KCNC2: variants seen among roughly 807,000 people sequenced by gnomAD.
The protein encoded by KCNC2 is potassium voltage-gated channel subfamily C member 2, also known as voltage-gated potassium channel KCNC2.
Under a neutral mutation model 44.5 loss-of-function variants are expected in KCNC2, and 21 were observed. The ratio of observed to expected loss-of-function variants is 0.47; its 90% CI spans 0.33 to 0.68. The LOEUF (loss-of-function observed/expected upper bound fraction) is 0.68, where lower values mean the gene tolerates loss of function less well. Ranked by LOEUF, KCNC2 falls within the 30% of genes least tolerant of loss-of-function variation. The pLI, the probability that KCNC2 is intolerant of heterozygous loss-of-function variation, is 0.01. For missense variants in KCNC2, 589 were observed against 826.2 expected, an observed-to-expected ratio of 0.71 and a Z score of 3.52; for synonymous variants, 391 against 339.1, an observed-to-expected ratio of 1.15 and a Z score of -1.68.
At chr12:75,176,923 T>C (rs1484367782) in intron 2 of KCNC2, among the ~76,000 whole-genome samples, 3 of 151,572 alleles carry the variant, frequency 2.0e-5, no homozygotes. Flanking sequence ...ATTTAATTTA[T>C]AGTAGTAAAA....
chr12:75,097,277 G>C (rs995075861), intron 2 of KCNC2, among the ~76,000 whole-genome samples: 1 of 152,062 alleles, frequency 6.6e-6, no homozygotes, highest in Non-Finnish European at 1.5e-5. Flanking sequence ...GTGGAGCACA[G>C]GGGATTTTTA....
chr12:75,203,391 A>G (rs565916800), intron 2 of KCNC2, among the ~76,000 whole-genome samples: 151 of 151,974 alleles, frequency 9.9e-4, no homozygotes, highest in African/African-American at 3.6e-3. Context: ...GAAGTAATCT[A>G]TAATGCTAAT....
intron 2 of KCNC2, among the ~76,000 whole-genome samples, chr12:75,068,355 A>C (rs780226171): frequency 1.3e-5 from 2 of 152,212 alleles, no homozygotes; most frequent in African/African-American, 2.4e-5. Flanking sequence ...ACTAAATAGA[A>C]TATCTCAATC....
chr12:75,113,907 A>G (rs1246703851), intron 2 of KCNC2, among the ~76,000 whole-genome samples: 1 of 151,994 alleles, frequency 6.6e-6, no homozygotes, highest in Non-Finnish European at 1.5e-5. Context: ...GAAAAAAAAG[A>G]GTTTTGTCTT....
intron 2 of KCNC2, among the ~76,000 whole-genome samples, chr12:75,143,383 C>T (rs1889793422): frequency 6.6e-6 from 1 of 152,190 alleles, no homozygotes; most frequent in African/African-American, 2.4e-5. Context: ...TTAGTAGGCA[C>T]CTGCTGCTAC....
At chr12:75,103,099 C>T (rs573787295) in intron 2 of KCNC2, among the ~76,000 whole-genome samples, 13 of 152,036 alleles carry the variant, frequency 8.6e-5, no homozygotes, top group Non-Finnish European at 1.5e-4. Context: ...TAAGAAGGTG[C>T]CGAATTGCTT....
intron 2 of KCNC2, among the ~76,000 whole-genome samples, chr12:75,184,698 T>A (rs543811712): frequency 2.6e-5 from 4 of 152,150 alleles, no homozygotes; most frequent in Non-Finnish European, 5.9e-5. Flanking sequence ...AAAGGTAGGG[T>A]TCACCAAGCA....
intron 2 of KCNC2, among the ~76,000 whole-genome samples, chr12:75,152,848 T>G (rs762026335): frequency 6.6e-6 from 1 of 151,966 alleles, no homozygotes; most frequent in African/African-American, 2.4e-5. Flanking sequence ...AAGTAAGGTA[T>G]GCATATGATG....
chr12:75,148,338 G>A (rs923971358), intron 2 of KCNC2, among the ~76,000 whole-genome samples: 1 of 152,000 alleles, frequency 6.6e-6, no homozygotes, highest in African/African-American at 2.4e-5. Context: ...GCTGACATGG[G>A]AGCTGTGACA....
At chr12:75,100,985 C>T (rs1886327141) in intron 2 of KCNC2, among the ~76,000 whole-genome samples, 1 of 152,022 alleles carries the variant, frequency 6.6e-6, no homozygotes, top group South Asian at 2.1e-4. Context: ...AAAGGTGAGA[C>T]ATGTCCTCAT....
At chr12:75,156,768 C>A (rs762778665) in intron 2 of KCNC2, among the ~76,000 whole-genome samples, 1 of 151,748 alleles carries the variant, frequency 6.6e-6, no homozygotes, top group Non-Finnish European at 1.5e-5. Flanking sequence ...AAGTTTGCAG[C>A]CTACCATTTC....
chr12:75,061,276 A>G (rs1013753369), intron 2 of KCNC2, among the ~76,000 whole-genome samples: 2 of 152,086 alleles, frequency 1.3e-5, no homozygotes, highest in African/African-American at 4.8e-5. Flanking sequence ...TCATGAAAAC[A>G]ACAAACAGAA....
chr12:75,055,570 G>T (rs2136963950), intron 2 of KCNC2, among the ~76,000 whole-genome samples: 1 of 152,108 alleles, frequency 6.6e-6, no homozygotes, highest in South Asian at 2.1e-4. Context: ...CTCCAGACAA[G>T]GTATGTCATG....
chr12:75,060,466 A>C (rs975938958), intron 2 of KCNC2, among the ~76,000 whole-genome samples: 4 of 151,690 alleles, frequency 2.6e-5, no homozygotes, highest in African/African-American at 9.7e-5. Context: ...TCTTTTAAAA[A>C]CCTTATTTTT....
rs1879979994 is a variant in KCNC2, at chr12:75,042,165, A to G, written c.*940T>C. Reference sequence around the variant, plus strand: ...AAAAGACACAAGAGCTTTGGGTGATATTTGGCACTCTGCCTCTGAAAATGA... The same window carrying G: ...AAAAGACACAAGAGCTTTGGGTGATGTTTGGCACTCTGCCTCTGAAAATGA... On this transcript the variant is annotated 3_prime_UTR_variant, in exon 5 of 5. Coordinates refer to ENST00000549446, the MANE Select transcript of KCNC2 (RefSeq NM_139137.4). The G allele has an allele frequency of 1.5e-6, 2 of 1,294,680 alleles. No homozygotes were observed. Among genetic ancestry groups the G allele is most frequent in the South Asian group, 2.7e-5 (1 of 36,880 alleles). The allele number at this position is 1,294,680 out of a possible 1,614,324, so 80.2% of individuals were successfully genotyped here. A position where few individuals can be genotyped will look rare whatever the true frequency, so the allele number is the denominator to read the frequency against.
At chr12:75,092,449 T>C (rs1885567561) in intron 2 of KCNC2, among the ~76,000 whole-genome samples, 1 of 151,662 alleles carries the variant, frequency 6.6e-6, no homozygotes, top group South Asian at 2.1e-4. Flanking sequence ...TTTGTAAAAA[T>C]AGCTTAATCA....
At chr12:75,133,148 G>A (rs1364699366) in intron 2 of KCNC2, among the ~76,000 whole-genome samples, 1 of 151,972 alleles carries the variant, frequency 6.6e-6, no homozygotes, top group African/African-American at 2.4e-5. Flanking sequence ...TACTTGTAGA[G>A]TAGGGCAATA....
chr12:75,055,922 T>C (rs1263612917), intron 2 of KCNC2, among the ~76,000 whole-genome samples: 2 of 152,096 alleles, frequency 1.3e-5, no homozygotes, highest in Non-Finnish European at 2.9e-5. Context: ...TTGTTATCAT[T>C]AAAATGAGTG....
chr12:75,207,904 T>G lies in KCNC2; in HGVS notation c.80A>C (p.Lys27Thr), dbSNP rs181920551. Reference protein sequence around the residue: ...TRHETYRSTLKTLPGTRLALL... With the variant: ...TRHETYRSTLTTLPGTRLALL... Reference sequence around the variant, plus strand: ...GGCCAGGCGTGTTCCAGGCAGGGTCTTGAGGGTGCTGCGGTAGGTTTCGTG... The same window carrying G: ...GGCCAGGCGTGTTCCAGGCAGGGTCGTGAGGGTGCTGCGGTAGGTTTCGTG... Residue 27 changes from lysine to threonine, a missense_variant, in exon 2 of 5, where the codon AAG (lysine) becomes ACG (threonine). Around this residue, in one of 7 missense-constraint regions of KCNC2, gnomAD observed 148 missense variants for 140.1 expected, o/e 1.06. Coordinates refer to ENST00000549446, the MANE Select transcript of KCNC2 (RefSeq NM_139137.4). This position sits in a 1 kb window ranked among gnomAD's most constrained non-coding sequence, Gnocchi z 4.1. 30 of 1,612,826 alleles carry G rather than the reference T, an allele frequency of 1.9e-5. No homozygotes were observed. Among genetic ancestry groups the G allele is most frequent in the Non-Finnish European group, 2.5e-5 (30 of 1,179,918 alleles).
Sources: gnomAD v4.1 joint callset for allele counts (sites outside exome capture counted in the v4.1 genomes callset) on GRCh38, gnomAD v4.1.1 for gene constraint, gnomAD v4.1.1 regional missense constraint, Gnocchi (gnomAD v3.1) non-coding constraint, MANE v1.5 for transcripts, NCBI Gene and HGNC (gene_info 2026-07-23, HGNC 2026-07-21) for gene names.